Variants in ANXA6 observed in about 807,000 individuals in gnomAD.
ANXA6 encodes the protein 67 kDa calelectrin.
ANXA6 carries 71 observed loss-of-function variants against 95.4 expected under a neutral mutation model. The ratio of observed to expected loss-of-function variants is 0.74; its 90% CI spans 0.61 to 0.91. The LOEUF is 0.91. Among genes scored for constraint, ANXA6 ranks in the 40% least tolerant of loss-of-function variants. The pLI is 0.00. For synonymous variants in ANXA6, 289 were observed against 315.9 expected, an observed-to-expected ratio of 0.91 and a Z score of 0.90; for missense variants, 830 against 876.4, an observed-to-expected ratio of 0.95 and a Z score of 0.67.
intron 1 of ANXA6, among the ~76,000 whole-genome samples, chr5:151,155,956 C>G (rs1467244545): frequency 6.6e-6 from 1 of 152,232 alleles, no homozygotes; most frequent in Non-Finnish European, 1.5e-5. Flanking sequence ...GCACTGCAGT[C>G]TCCCCCACTT....
intron 8 of ANXA6, 26 bp from the exon 9 acceptor site, chr5:151,133,213 C>G (rs749691627): frequency 6.5e-7 from 1 of 1,530,738 alleles, no homozygotes; most frequent in East Asian, 2.4e-5. Flanking sequence ...TGGCACTTGA[C>G]TGAAAGAGGA....
chr5:151,151,298 C>T (rs982678604), intron 1 of ANXA6: 1 of 152,222 alleles, frequency 6.6e-6, no homozygotes, highest in Non-Finnish European at 1.5e-5. Context: ...CCATACTGCT[C>T]AAATTGGCTG....
At chr5:151,118,773 GC>G (rs751297379) in intron 18 of ANXA6, among the ~76,000 whole-genome samples, 48 of 151,700 alleles carry the variant, frequency 3.2e-4, no homozygotes, top group Non-Finnish European at 5.0e-4. Flanking sequence ...TTGCCATGTC[GC>G]CCAGGCTGGT....
chr5:151,141,828 G>A (rs552182828), intron 2 of ANXA6: 9 of 619,020 alleles, frequency 1.5e-5, no homozygotes, highest in Non-Finnish European at 1.8e-5. Context: ...ACCCAGAGCA[G>A]GGCGCCTTGC....
chr5:151,110,587 CAG>C, intron 21 of ANXA6, 38 bp downstream of exon 21: 1 of 1,610,492 alleles, frequency 6.2e-7, no homozygotes, highest in South Asian at 1.1e-5. Flanking sequence ...GGACTTTACT[CAG>C]AGGCCGTTAA....
chr5:151,117,172 A>C lies in ANXA6; in HGVS notation c.1527T>G (p.Arg509=). The change falls in exon 20 of 26, where the codon CGT becomes CGG. Residue 509 remains arginine, a synonymous_variant. Coordinates refer to ENST00000354546, the MANE Select transcript of ANXA6 (RefSeq NM_001155.5). ...RILISLATGH[R]EEGGENLDQA... ...GGTCCAGGTTTTCTCCTCCCTCCTCACGATGCCCCTGCAGCAGGAGCAGCA... is the reference window on the plus strand; with the variant it reads ...GGTCCAGGTTTTCTCCTCCCTCCTCCCGATGCCCCTGCAGCAGGAGCAGCA... The C allele has an allele frequency of 6.3e-7, 1 of 1,590,284 alleles. No individual in the cohort carries two copies. Among genetic ancestry groups the C allele is most frequent in the Non-Finnish European group, 8.6e-7 (1 of 1,166,316 alleles).
In ANXA6 at chr5:151,130,355, A is replaced by G. The variant is rs144417098; in HGVS notation, c.796-826T>C. On this transcript the variant is annotated intron_variant, in intron 11 of 25. Transcript: ENST00000354546. ...AACCCAGGGGCCCTGTGCTCAAGAA[A>G]TCCTCCTGCCTCAGCCTCCCGAGTA... Among the ~76,000 whole-genome samples the G allele has an allele frequency of 5.0e-4, 76 of 151,988 alleles. No homozygotes were observed. The East Asian group carries it at 0.014, about 28-fold the overall frequency.
chr5:151,141,580 C>A, intron 2 of ANXA6: 7 of 985,496 alleles, frequency 7.1e-6, no homozygotes, highest in Non-Finnish European at 8.4e-6. Flanking sequence ...ACCGCCTCCC[C>A]CTCTCCCCGT....
At position 151,110,771 on chromosome 5, in the gene ANXA6, G is replaced by C. The variant is rs1030669574; in HGVS notation, c.1573-127C>G. ...TGGCTGGGAGTGGGAGAGGTCCCAA[G>C]AGACCTGAGAGAACCCGGGATGCGA... is the stretch of plus-strand genomic sequence containing the variant. On this transcript the variant is annotated intron_variant, in intron 20 of 25. Coordinates refer to ENST00000354546, the MANE Select transcript of ANXA6 (RefSeq NM_001155.5). 5.4e-6 allele frequency: 5 copies of C among 921,362 alleles called. No individual in the cohort carries two copies. The Admixed American group carries it at 1.2e-4, about 22-fold the overall frequency. 57.1% of individuals were successfully genotyped at this position (921,362 alleles called of 1,614,324 possible).
At chr5:151,127,026 C>T (rs1385110945) in intron 13 of ANXA6, among the ~76,000 whole-genome samples, 1 of 152,230 alleles carries the variant, frequency 6.6e-6, no homozygotes, top group East Asian at 1.9e-4. Context: ...CCAATGCTGG[C>T]TTTTAAGGGC....
intron 18 of ANXA6, among the ~76,000 whole-genome samples, chr5:151,118,327 C>T (rs1211978915): frequency 6.6e-6 from 1 of 150,824 alleles, no homozygotes; most frequent in African/African-American, 2.4e-5. Context: ...TTGGCATGAT[C>T]AAGGCTCACT....
intron 18 of ANXA6, among the ~76,000 whole-genome samples, chr5:151,118,075 G>A (rs1394643455): frequency 1.3e-5 from 2 of 152,038 alleles, no homozygotes; most frequent in Non-Finnish European, 2.9e-5. Flanking sequence ...TGTCCCAGTT[G>A]AGGTCCCATT....
rs146852708 is a variant in ANXA6, at chr5:151,103,166, T to C, written c.1962+404A>G. The stretch of plus-strand genomic sequence containing the variant: ...CATGAGCCAACACACCCAGCTAATT[T>C]TTGTATTTTTAGTAGAGACAGGGTT... On this transcript the variant is annotated intron_variant, in intron 25 of 25. Coordinates refer to ENST00000354546, the MANE Select transcript of ANXA6 (RefSeq NM_001155.5). Among the ~76,000 whole-genome samples the C allele has an allele frequency of 4.0e-3, 608 of 152,212 alleles. 3 individuals are homozygous for C. The highest frequency in any genetic ancestry group is 0.014 in the African/African-American group (581 of 41,532).
intron 10 of ANXA6, among the ~76,000 whole-genome samples, chr5:151,132,239 C>G (rs1477110875): frequency 1.3e-5 from 2 of 152,142 alleles, no homozygotes; most frequent in African/African-American, 4.8e-5. Context: ...CTCTTTGTCC[C>G]CCTGCCAGTG....
At chr5:151,136,234 A>G (rs1170052671) in intron 7 of ANXA6, 22 bp downstream of exon 7, 8 of 1,613,034 alleles carry the variant, frequency 5.0e-6, no homozygotes, top group East Asian at 2.2e-5. Flanking sequence ...CTCCAGAGGA[A>G]AAAAATAGGC....
Position 151,109,849 on chromosome 5 carries a change from G to T in ANXA6, c.1591-3C>A, listed in dbSNP as rs1284181990. On this transcript the variant is annotated splice_polypyrimidine_tract_variant and splice_region_variant and intron_variant, in intron 21 of 25. Transcript: ENST00000354546. ...CCACTAGGTGTGTCTGCTATTTCCT[G>T]CAGAGCCCCAGTTGGAGCAAGGATT... 2 of 1,594,228 alleles carry T rather than the reference G, an allele frequency of 1.3e-6. No individual in the cohort carries two copies. Among genetic ancestry groups the T allele is most frequent in the East Asian group, 4.5e-5 (2 of 44,292 alleles).
rs368321284 is a variant in ANXA6 at position 151,141,595 on chromosome 5, G to A, written c.19-1352C>T. On this transcript the variant is annotated intron_variant, in intron 2 of 25. Coordinates refer to ENST00000354546, the MANE Select transcript of ANXA6 (RefSeq NM_001155.5). ...ACCGCCTCCCCCTCTCCCCGTCTCC[G>A]TGCCTCCCAACGTCTGCACTGCAGG... 2.8e-5 allele frequency: 28 copies of A among 985,486 alleles called. No homozygotes were observed. The East Asian group carries it at 9.1e-4, about 32-fold the overall frequency. The allele number at this position is 985,486 out of a possible 1,614,324, so 61.0% of individuals were successfully genotyped here.
At chr5:151,142,765 C>A (rs1765871283) in intron 2 of ANXA6, among the ~76,000 whole-genome samples, 1 of 152,230 alleles carries the variant, frequency 6.6e-6, no homozygotes, top group Admixed American at 6.5e-5. Flanking sequence ...AAGGGGAAGA[C>A]AGTGAAGGGA....
At chr5:151,106,068 G>A (rs996612405) in intron 23 of ANXA6, among the ~76,000 whole-genome samples, 1 of 152,114 alleles carries the variant, frequency 6.6e-6, no homozygotes, top group Non-Finnish European at 1.5e-5. Flanking sequence ...ACTGTCCGTT[G>A]GTAAAATTTA....
Sources: allele counts gnomAD v4.1 joint callset (sites outside exome capture counted in the v4.1 genomes callset), GRCh38; gene constraint gnomAD v4.1.1; transcripts MANE v1.5; gene names NCBI Gene and HGNC (gene_info 2026-07-23, HGNC 2026-07-21).